The following PCDHGA8 variants were observed in gnomAD, a reference collection of about 807,000 sequenced individuals.
PCDHGA8 encodes protocadherin gamma subfamily A, 8, also known as protocadherin gamma-A8.
PCDHGA8 carries 45 observed loss-of-function variants against 59.2 expected under a neutral mutation model. The ratio of observed to expected loss-of-function variants is 0.76; its 90% CI spans 0.60 to 0.98. PCDHGA8 has a LOEUF of 0.98. Ranked by LOEUF, PCDHGA8 falls within the 50% of genes least tolerant of loss-of-function variation. The pLI, the probability that PCDHGA8 is intolerant of heterozygous loss-of-function variation, is 0.00. For missense variants in PCDHGA8, 1,257 were observed against 1,196.2 expected (o/e 1.05, Z -0.75); for synonymous variants, 531 against 519.0 (o/e 1.02, Z -0.32).
At position 141,491,583 on chromosome 5, in the gene PCDHGA8, C is replaced by T; in HGVS notation, c.2425-3224C>T. On this transcript the variant is annotated intron_variant, in intron 1 of 3. Transcript: ENST00000398604. The surrounding 1 kb of genome is among the most constrained non-coding windows in gnomAD (Gnocchi z 6.9). ...GCTACAGGACGTGCTTTTCACCGGC[C>T]TCGGACGGCAGTGACTTCACTTTTC... 1 of 1,613,964 alleles carries T rather than the reference C, an allele frequency of 6.2e-7. No individual in the cohort carries two copies. Among genetic ancestry groups the T allele is most frequent in the African/African-American group, 1.3e-5 (1 of 75,032 alleles).
Position 141,393,113 on chromosome 5 carries a change from G to A in PCDHGA8, c.300G>A (p.Pro100=). 2 of 1,613,500 alleles carry A rather than the reference G, an allele frequency of 1.2e-6. No homozygotes were observed. The highest frequency in any genetic ancestry group is 8.5e-7 in the Non-Finnish European group (1 of 1,179,904). Residue 100 remains proline, a synonymous_variant, in exon 1 of 4, where the codon CCG becomes CCA. Coordinates refer to ENST00000398604, the MANE Select transcript of PCDHGA8 (RefSeq NM_032088.2). ...GGGAGGAGCTCTGCGCTCAGAGCCC[G>A]CGGTGTCTGATAAATATTAACACCC... is the stretch of plus-strand genomic sequence containing the variant. The part of the protein sequence containing the change: ...IDREELCAQS[P]RCLININTLV...
intron 2 of PCDHGA8, among the ~76,000 whole-genome samples, chr5:141,502,828 G>T (rs928458403): frequency 6.6e-6 from 1 of 150,704 alleles, no homozygotes; most frequent in Non-Finnish European, 1.5e-5. Context: ...CCTTGGGGAA[G>T]CCTGGACTGG....
chr5:141,463,886 C>T (rs1327677210), intron 1 of PCDHGA8, among the ~76,000 whole-genome samples: 3 of 152,118 alleles, frequency 2.0e-5, no homozygotes, highest in African/African-American at 4.8e-5. Flanking sequence ...AAAGTTTTCA[C>T]CTTGCTTTTT....
In PCDHGA8 at chr5:141,476,659, G is replaced by A; in HGVS notation, c.2425-18148G>A. On this transcript the variant is annotated intron_variant, in intron 1 of 3. Coordinates refer to ENST00000398604, the MANE Select transcript of PCDHGA8 (RefSeq NM_032088.2). The surrounding 1 kb of genome is among the most constrained non-coding windows in gnomAD (Gnocchi z 7.6). ...AGCTGAGCCGAAATGAATACTTTGC[G>A]CTTCGCGTGCAGACGCGGGAGGACA... 2 of 1,614,252 alleles carry A rather than the reference G, an allele frequency of 1.2e-6. No homozygotes were observed. Among genetic ancestry groups the A allele is most frequent in the Non-Finnish European group, 8.5e-7 (1 of 1,180,048 alleles).
chr5:141,431,178 TAA>T lies in PCDHGA8; in HGVS notation c.2424+35945_2424+35946del. On this transcript the variant is annotated intron_variant, in intron 1 of 3. Transcript: ENST00000398604. This position sits in a 1 kb window ranked among gnomAD's most constrained non-coding sequence, Gnocchi z 4.8. ...TACTTTCGTGAAAGTGAATTAGAAA[TAA>T]AAATTAGTGAAAATGCAGCCACTGA... is the stretch of plus-strand genomic sequence containing the variant. 1 of 1,614,078 alleles carries T rather than the reference TAA, an allele frequency of 6.2e-7. No homozygotes were observed. Among genetic ancestry groups the T allele is most frequent in the Non-Finnish European group, 8.5e-7 (1 of 1,180,000 alleles).
chr5:141,457,054 T>C (rs1410535170), intron 1 of PCDHGA8, among the ~76,000 whole-genome samples: 1 of 152,242 alleles, frequency 6.6e-6, no homozygotes, highest in Non-Finnish European at 1.5e-5. Context: ...ACTTTCATGC[T>C]TCCTTTTTGC....
intron 1 of PCDHGA8, chr5:141,397,930 G>C (rs898785209): frequency 5.2e-6 from 4 of 775,998 alleles, no homozygotes; most frequent in Non-Finnish European, 8.1e-6. Flanking sequence ...TCGCGCAGCC[G>C]CAGCGCGCTT....
intron 1 of PCDHGA8, chr5:141,416,489 G>A (rs2096031582): frequency 1.3e-5 from 2 of 152,158 alleles, no homozygotes; most frequent in Admixed American, 1.3e-4. Context: ...GAGAACAGGA[G>A]CAAGAGATAT....
intron 1 of PCDHGA8, chr5:141,403,280 G>GT: frequency 6.2e-7 from 1 of 1,613,894 alleles, no homozygotes; most frequent in Non-Finnish European, 8.5e-7. Flanking sequence ...TAAAGTCCTG[G>GT]TTGAAGACAG....
intron 1 of PCDHGA8, chr5:141,421,613 A>T (rs2096587756): frequency 6.2e-7 from 1 of 1,613,720 alleles, no homozygotes; most frequent in Admixed American, 1.7e-5. Context: ...GATATTAATG[A>T]TAACGCCCCC....
At chr5:141,507,286 TC>T in intron 3 of PCDHGA8, 1 of 149,886 alleles carries the variant, frequency 6.7e-6, no homozygotes, top group East Asian at 1.9e-4. Context: ...TAAGTCAGTC[TC>T]AAATGTTGCA....
intron 1 of PCDHGA8, among the ~76,000 whole-genome samples, chr5:141,436,749 C>T (rs2097844674): frequency 6.6e-6 from 1 of 152,154 alleles, no homozygotes; most frequent in Admixed American, 6.5e-5. Flanking sequence ...TGTGCTTCTC[C>T]ATATGGTATA....
chr5:141,426,879 G>T, intron 1 of PCDHGA8: 1 of 456,710 alleles, frequency 2.2e-6, no homozygotes. Flanking sequence ...GAAGCCCCTG[G>T]GCCAGGAGCA....
At position 141,394,859 on chromosome 5, in the gene PCDHGA8, C is replaced by A; in HGVS notation, c.2046C>A (p.Val682=). The part of the protein sequence containing the change: ...LTELGSLKPS[V]DPNDSSLTLY... ...AGTTGGGCAGTCTGAAGCCTTCGGT[C>A]GACCCGAACGATTCGAGCCTTACAC... Residue 682 remains valine, a synonymous_variant, in exon 1 of 4, where the codon GTC becomes GTA. Coordinates refer to ENST00000398604, the MANE Select transcript of PCDHGA8 (RefSeq NM_032088.2). The A allele has an allele frequency of 6.2e-7, 1 of 1,613,758 alleles. No homozygotes were observed.
chr5:141,437,756 T>A (rs1208576922), intron 1 of PCDHGA8, among the ~76,000 whole-genome samples: 1 of 151,718 alleles, frequency 6.6e-6, no homozygotes, highest in Non-Finnish European at 1.5e-5. Flanking sequence ...TTTTTTTTTT[T>A]GAGACAGAGT....
rs202006594 is a variant in PCDHGA8, at chr5:141,477,618, C to A, written c.2425-17189C>A. 15 of 1,614,176 alleles carry A rather than the reference C, an allele frequency of 9.3e-6. No homozygotes were observed. The African/African-American group carries it at 1.3e-4, about 14-fold the overall frequency. ...TCTTTCTTTCTCTTGGAGCAAGGAGCTGAAACCGGGCTAGTGGGTCGCTAT... is the reference window on the plus strand; with the variant it reads ...TCTTTCTTTCTCTTGGAGCAAGGAGATGAAACCGGGCTAGTGGGTCGCTAT... On this transcript the variant is annotated intron_variant, in intron 1 of 3. Coordinates refer to ENST00000398604, the MANE Select transcript of PCDHGA8 (RefSeq NM_032088.2). The surrounding 1 kb of genome is among the most constrained non-coding windows in gnomAD (Gnocchi z 4.9).
At chr5:141,500,947 C>T (rs933082173) in intron 2 of PCDHGA8, among the ~76,000 whole-genome samples, 15 of 151,822 alleles carry the variant, frequency 9.9e-5, no homozygotes, top group African/African-American at 3.6e-4. Context: ...CGGCTCACTG[C>T]AAGCTCCACC....
rs2093165281 is a variant in PCDHGA8 at position 141,395,085 on chromosome 5, T to C, written c.2272T>C (p.Ser758Pro). 1 of 1,614,026 alleles carries C rather than the reference T, an allele frequency of 6.2e-7. No homozygotes were observed. Among genetic ancestry groups the C allele is most frequent in the South Asian group, 1.1e-5 (1 of 91,080 alleles). ...CCTGCAGACCTATTCCCAGGAAGTC[T>C]CCCTCACCGCCGACTCGCGGAAGAG... ...AFLQTYSQEVSLTADSRKSHL... is the reference protein window; with the variant it reads ...AFLQTYSQEVPLTADSRKSHL... The change falls in exon 1 of 4, where the codon TCC becomes CCC. Residue 758 changes from serine to proline, a missense_variant. By Grantham distance (74) the Ser-to-Pro change is moderately conservative. Coordinates refer to ENST00000398604, the MANE Select transcript of PCDHGA8 (RefSeq NM_032088.2).
At position 141,494,758 on chromosome 5, in the gene PCDHGA8, T is replaced by C. The variant is rs370692038; in HGVS notation, c.2425-49T>C. ...CCATCCCTAGGGGCTCGGGTGACAT[T>C]CTAACTTCTCACGGGTACTCAGCCC... On this transcript the variant is annotated intron_variant, in intron 1 of 3. Transcript: ENST00000398604. The C allele has an allele frequency of 1.3e-5, 21 of 1,613,682 alleles. No homozygotes were observed. The African/African-American group carries it at 2.7e-4, about 21-fold the overall frequency.
Sources: allele counts gnomAD v4.1 joint callset (sites outside exome capture counted in the v4.1 genomes callset), GRCh38; gene constraint gnomAD v4.1.1; non-coding constraint Gnocchi (gnomAD v3.1); transcripts MANE v1.5; gene names NCBI Gene and HGNC (gene_info 2026-07-23, HGNC 2026-07-21).